TNXB: variants seen among roughly 807,000 people sequenced by gnomAD.
The protein encoded by TNXB is tenascin-X.
A neutral mutation model predicts 340.5 loss-of-function variants in TNXB; 183 were observed. The ratio of observed to expected loss-of-function variants is 0.54; its 90% CI spans 0.48 to 0.61. TNXB has a LOEUF of 0.61. TNXB is among the 20% of genes least tolerant of loss of function. The pLI is 0.00. For synonymous variants in TNXB, 2,121 were observed against 2,314.5 expected, an observed-to-expected ratio of 0.92 and a Z score of 2.40; for missense variants, 4,613 against 5,446.4, an observed-to-expected ratio of 0.85 and a Z score of 4.82.
chr6:32,049,782 C>T lies in TNXB; in HGVS notation c.9440-195G>A, dbSNP rs1328665977. On this transcript the variant is annotated intron_variant, in intron 27 of 43. Transcript: ENST00000644971. This position sits in a 1 kb window ranked among gnomAD's most constrained non-coding sequence, Gnocchi z 4.5. ...AGGGTCAGCTGTGGGGGACCTGGCA[C>T]AGCCACCAGCACAGCAAAACTCCTG... is the stretch of plus-strand genomic sequence containing the variant. Among the ~76,000 whole-genome samples the T allele has an allele frequency of 1.3e-5, 2 of 152,174 alleles. No individual in the cohort carries two copies. Among genetic ancestry groups the T allele is most frequent in the African/African-American group, 2.4e-5 (1 of 41,424 alleles).
chr6:32,085,958 G>C lies in TNXB; in HGVS notation c.2940C>G (p.Val980=), dbSNP rs1466313494. 5 of 1,608,036 alleles carry C rather than the reference G, an allele frequency of 3.1e-6. No homozygotes were observed. Among genetic ancestry groups the C allele is most frequent in the South Asian group, 1.1e-5 (1 of 90,150 alleles). The change falls in exon 7 of 44, where the codon GTC becomes GTG. Residue 980 remains valine (V), a synonymous_variant. Transcript: ENST00000644971. This position sits in a 1 kb window ranked among gnomAD's most constrained non-coding sequence, Gnocchi z 6.4. ...CAAAGGTGTCAGGCTGGGCGGTCCA[G>C]ACCACACGGAGGCGCCCTGTCTCAT... The part of the protein sequence containing the change: ...GRDETGRLRV[V]WTAQPDTFAY...
Position 32,080,847 on chromosome 6 carries a change from C to T in TNXB, c.4042+521G>A, listed in dbSNP as rs746270371. Among the ~76,000 whole-genome samples the T allele has an allele frequency of 2.0e-5, 3 of 152,126 alleles. No individual in the cohort carries two copies. Among genetic ancestry groups the T allele is most frequent in the Admixed American group, 1.3e-4 (2 of 15,274 alleles). On this transcript the variant is annotated intron_variant, in intron 10 of 43. Transcript: ENST00000644971. This position sits in a 1 kb window ranked among gnomAD's most constrained non-coding sequence, Gnocchi z 4.3. ...GCCCTGTTCCAAGGGGGCTGGGAGT[C>T]AAGGAGTCGGGAGCTGAGAGGAGTC...
Position 32,068,061 on chromosome 6 carries a change from T to G in TNXB, c.6221-77A>C. On this transcript the variant is annotated intron_variant, in intron 17 of 43. Transcript: ENST00000644971. The surrounding 1 kb of genome is among the most constrained non-coding windows in gnomAD (Gnocchi z 5.3). ...AGGAGGGAGAAGCCAAGGCTATGAC[T>G]GGGGGACCCGAGGTCAGTTCAGAGA... The G allele has an allele frequency of 6.5e-7, 1 of 1,541,210 alleles. No individual in the cohort carries two copies. The highest frequency in any genetic ancestry group is 8.8e-7 in the Non-Finnish European group (1 of 1,142,580).
Position 32,050,249 on chromosome 6 carries a change from A to C in TNXB, c.9188T>G (p.Leu3063Arg), listed in dbSNP as rs554075676. 22 of 1,613,506 alleles carry C rather than the reference A, an allele frequency of 1.4e-5. No homozygotes were observed. The highest frequency in any genetic ancestry group is 5.0e-5 in the Admixed American group (3 of 60,026). Residue 3063 changes from leucine (L) to arginine (R), a missense_variant, in exon 27 of 44, where the codon CTG becomes CGG. By Grantham distance (102) the Leu-to-Arg change is moderately radical. Around this residue, in one of 7 missense-constraint regions of TNXB, gnomAD observed 4,327 missense variants for 4,859.4 expected, o/e 0.89. Coordinates refer to ENST00000644971, the MANE Select transcript of TNXB (RefSeq NM_001365276.2). ...GGCATCTGTCACGGTCAGCTCCCCC[A>C]GGCGAGGCTTGATGGGGGGCTCAGG... Reference protein sequence around the residue: ...MTPEPPIKPRLGELTVTDATP... With the variant: ...MTPEPPIKPRRGELTVTDATP...
In TNXB at chr6:32,087,549, C is replaced by A. The variant is rs767308167; in HGVS notation, c.2779+1236G>T. ...CAGCCACCCGGTCGACGCCTTCAGG[C>A]GAGAGGCCGTAGATTCCCTGGTTGG... On this transcript the variant is annotated intron_variant, in intron 6 of 43. Coordinates refer to ENST00000644971, the MANE Select transcript of TNXB (RefSeq NM_001365276.2). This position sits in a 1 kb window ranked among gnomAD's most constrained non-coding sequence, Gnocchi z 9.0. 9.1e-6 allele frequency: 4 copies of A among 441,286 alleles called. No individual in the cohort carries two copies. The highest frequency in any genetic ancestry group is 2.5e-5 in the Admixed American group (1 of 40,010). The allele number at this position is 441,286 out of a possible 1,614,324, so 27.3% of individuals were successfully genotyped here. A position where few individuals can be genotyped will look rare whatever the true frequency, so the allele number is the denominator to read the frequency against.
Position 32,070,128 on chromosome 6 carries a change from C to A in TNXB, c.5277G>T (p.Thr1759=). The stretch of plus-strand genomic sequence containing the variant: ...GGACCTGCAGGGAATGCCCCTCACC[C>A]GTGGTGCCGTCGGCAGTGAGAGGGC... The part of the protein sequence containing the change: ...RHGPLTADGT[T]EARSAMDDTG... Residue 1759 remains threonine (T), a splice_region_variant and synonymous_variant, in exon 14 of 44, where the codon ACG becomes ACT. Transcript: ENST00000644971. The surrounding 1 kb of genome is among the most constrained non-coding windows in gnomAD (Gnocchi z 6.0). 6.4e-7 allele frequency: 1 copy of A among 1,562,880 alleles called. No homozygotes were observed. The highest frequency in any genetic ancestry group is 8.7e-7 in the Non-Finnish European group (1 of 1,151,208).
chr6:32,046,557 G>C lies in TNXB; in HGVS notation c.10325-101C>G. On this transcript the variant is annotated intron_variant, in intron 30 of 43. Coordinates refer to ENST00000644971, the MANE Select transcript of TNXB (RefSeq NM_001365276.2). The surrounding 1 kb of genome is among the most constrained non-coding windows in gnomAD (Gnocchi z 6.9). ...GAGGTTCTGGGAAATGGTCCCTCCA[G>C]TGTAGCCCCAGGGACAGCTCCTTGA... 4 of 1,106,304 alleles carry C rather than the reference G, an allele frequency of 3.6e-6. No individual in the cohort carries two copies. The East Asian group carries it at 7.8e-5, about 22-fold the overall frequency. 68.5% of individuals were successfully genotyped at this position (1,106,304 alleles called of 1,614,324 possible). A position where few individuals can be genotyped will look rare whatever the true frequency, so the allele number is the denominator to read the frequency against.
chr6:32,070,268 C>T lies in TNXB; in HGVS notation c.5137G>A (p.Gly1713Arg), dbSNP rs765739631. ...CCCTCCACGGGCACCACCTGGGGCC[C>T]GTCTTTGTCCTTGAACTGGACCACA... ...SFVVQFKDKD[G>R]PQVVPVEGHE... The change falls in exon 14 of 44, where the codon GGG becomes AGG. Residue 1713 changes from glycine (G) to arginine (R), a missense_variant. Transcript: ENST00000644971. The surrounding 1 kb of genome is among the most constrained non-coding windows in gnomAD (Gnocchi z 6.0). The T allele has an allele frequency of 7.4e-6, 12 of 1,612,716 alleles. No homozygotes were observed. The highest frequency in any genetic ancestry group is 2.7e-5 in the African/African-American group (2 of 74,856).
chr6:32,053,161 G>A (rs1057012636), intron 25 of TNXB, among the ~76,000 whole-genome samples, 168 bp from the exon 26 acceptor site: 1 of 152,116 alleles, frequency 6.6e-6, no homozygotes, highest in Non-Finnish European at 1.5e-5. Context: ...CAACACACAT[G>A]ACAAGCTCTG....
Position 32,058,356 on chromosome 6 carries a change from A to C in TNXB, c.7527T>G (p.Pro2509=). The part of the protein sequence containing the change: ...PQEDVDETPS[P]TEPGTEAPGP... ...CTGGGGCCTCTGTGCCTGGTTCTGT[A>C]GGGCTGGGGGTCTCGTCCACATCCT... The change falls in exon 22 of 44, where the codon CCT becomes CCG. Residue 2509 remains proline, a synonymous_variant. Transcript: ENST00000644971. This position sits in a 1 kb window ranked among gnomAD's most constrained non-coding sequence, Gnocchi z 5.1. 2.5e-6 allele frequency: 4 copies of C among 1,610,474 alleles called. No individual in the cohort carries two copies. Among genetic ancestry groups the C allele is most frequent in the Non-Finnish European group, 3.4e-6 (4 of 1,178,968 alleles).
rs748097111 is a variant in TNXB at position 32,055,967 on chromosome 6, CCCCT to C, written c.8347_8350del (p.Arg2783AlafsTer38). ...CCCCACGGTGACCTCGCTCTCCTCGCCCCTGACACGCATCACCTGGGGCCGCCCG... is the reference window on the plus strand; with the variant it reads ...CCCCACGGTGACCTCGCTCTCCTCGCGACACGCATCACCTGGGGCCGCCCG... On this transcript the variant is annotated frameshift_variant, in exon 24 of 44. Coordinates refer to ENST00000644971, the MANE Select transcript of TNXB (RefSeq NM_001365276.2). LOFTEE classifies it high-confidence loss of function. 1 of 1,613,378 alleles carries C rather than the reference CCCCT, an allele frequency of 6.2e-7. No homozygotes were observed. The highest frequency in any genetic ancestry group is 1.3e-5 in the African/African-American group (1 of 74,912).
At chr6:32,054,556 G>A (rs1407835753) in intron 24 of TNXB, among the ~76,000 whole-genome samples, 1 of 152,232 alleles carries the variant, frequency 6.6e-6, no homozygotes, top group Non-Finnish European at 1.5e-5. Flanking sequence ...CTCCAAAGCT[G>A]TCATCAAGCT....
chr6:32,098,359 G>A (rs1226924895), intron 1 of TNXB, among the ~76,000 whole-genome samples, 153 bp from the exon 2 acceptor site: 1 of 152,016 alleles, frequency 6.6e-6, no homozygotes, highest in African/African-American at 2.4e-5. Context: ...AACCCTAAAG[G>A]ATACCCTCCC....
intron 24 of TNXB, 107 bp downstream of exon 24, chr6:32,055,744 T>C (rs912617384): frequency 4.8e-6 from 7 of 1,463,394 alleles, no homozygotes; most frequent in Non-Finnish European, 6.4e-6. Flanking sequence ...TCCCCAAGCA[T>C]GGAAACGTGC....
Position 32,081,377 on chromosome 6 carries a change from C to T in TNXB, c.4033G>A (p.Ala1345Thr), listed in dbSNP as rs1295822418. 2 of 1,536,886 alleles carry T rather than the reference C, an allele frequency of 1.3e-6. No homozygotes were observed. The highest frequency in any genetic ancestry group is 8.8e-7 in the Non-Finnish European group (1 of 1,137,736). Residue 1345 changes from alanine to threonine, a missense_variant, in exon 10 of 44, where the codon GCC becomes ACC. By Grantham distance (58) the Ala-to-Thr change is moderately conservative. This residue lies in a region of TNXB where 4,327 missense variants were observed against 4,859.4 expected (regional missense o/e 0.89). Coordinates refer to ENST00000644971, the MANE Select transcript of TNXB (RefSeq NM_001365276.2). The surrounding 1 kb of genome is among the most constrained non-coding windows in gnomAD (Gnocchi z 5.1). ...GGCAGCCATGACTCACCAGTCTTGG[C>T]CACCACAGACTCGGGCCCCACACGC... ...RQRVGPESVVAKTAPQEDVDE... is the reference protein window; with the variant it reads ...RQRVGPESVVTKTAPQEDVDE...
rs1335925423 is a variant in TNXB, at chr6:32,108,482, C to G, written c.-9+699G>C. Reference sequence around the variant, plus strand: ...CAGAGGCATCTCTCAGCCATCCCAGCCCTGCTGAACCGTGAGTCATGAGTG... The same window carrying G: ...CAGAGGCATCTCTCAGCCATCCCAGGCCTGCTGAACCGTGAGTCATGAGTG... On this transcript the variant is annotated intron_variant, in intron 1 of 43. Transcript: ENST00000644971. This position sits in a 1 kb window ranked among gnomAD's most constrained non-coding sequence, Gnocchi z 4.8. Among the ~76,000 whole-genome samples, 1 of 152,088 alleles carries G rather than the reference C, an allele frequency of 6.6e-6. No homozygotes were observed. The highest frequency in any genetic ancestry group is 2.4e-5 in the African/African-American group (1 of 41,398).
chr6:32,091,787 T>C (rs1398733979), intron 4 of TNXB, among the ~76,000 whole-genome samples: 1 of 152,210 alleles, frequency 6.6e-6, no homozygotes, highest in East Asian at 1.9e-4. Flanking sequence ...TTCACTGATT[T>C]TGTTCTTGGG....
In TNXB at chr6:32,096,531, C is replaced by A; in HGVS notation, c.1322G>T (p.Gly441Val). 1 of 1,594,008 alleles carries A rather than the reference C, an allele frequency of 6.3e-7. No homozygotes were observed. Among genetic ancestry groups the A allele is most frequent in the Non-Finnish European group, 8.5e-7 (1 of 1,175,866 alleles). ...CACGCCGTTCTCGCAGCGCCCGCGA[C>A]CTCTACAGTCGCGTGGGCAGGCGCG... ...GSRACPRDCR[G>V]RGRCENGVCV... is the part of the protein sequence containing the mutation. Residue 441 changes from glycine (G) to valine (V), a missense_variant, in exon 3 of 44, where the codon GGT (glycine) becomes GTT (valine). This residue lies in a region of TNXB where 4,327 missense variants were observed against 4,859.4 expected (regional missense o/e 0.89). Coordinates refer to ENST00000644971, the MANE Select transcript of TNXB (RefSeq NM_001365276.2).
At position 32,058,395 on chromosome 6, in the gene TNXB, A is replaced by G. The variant is rs767067407; in HGVS notation, c.7493-5T>C. 4 of 1,594,292 alleles carry G rather than the reference A, an allele frequency of 2.5e-6. No individual in the cohort carries two copies. In the East Asian group the frequency reaches 9.0e-5, roughly 36 times the overall value. On this transcript the variant is annotated splice_region_variant and splice_polypyrimidine_tract_variant and intron_variant, in intron 21 of 43. Coordinates refer to ENST00000644971, the MANE Select transcript of TNXB (RefSeq NM_001365276.2). This position sits in a 1 kb window ranked among gnomAD's most constrained non-coding sequence, Gnocchi z 5.1. The stretch of plus-strand genomic sequence containing the variant: ...CGTCCACATCCTCTTGTGGGGCTGA[A>G]AGGTAATATAGGGGGATACAGAGTT...
Sources: allele counts gnomAD v4.1 joint callset (sites outside exome capture counted in the v4.1 genomes callset), GRCh38; gene constraint gnomAD v4.1.1; regional missense constraint gnomAD v4.1.1; non-coding constraint Gnocchi (gnomAD v3.1); transcripts MANE v1.5; gene names NCBI Gene and HGNC (gene_info 2026-07-23, HGNC 2026-07-21).